Variants in EPN2 observed in about 807,000 individuals in gnomAD.
EPN2 encodes the protein epsin 2, also known as epsin-2.
In EPN2, 34 loss-of-function variants were observed where a neutral mutation model predicts 61.7. The observed-to-expected ratio is 0.55, with a 90% CI of 0.42 to 0.73. The LOEUF (loss-of-function observed/expected upper bound fraction) is 0.73, where lower values mean the gene tolerates loss of function less well. Among genes scored for constraint, EPN2 ranks in the 30% least tolerant of loss-of-function variants. The pLI is 0.00. For missense variants in EPN2, 714 were observed against 839.2 expected (o/e 0.85, Z 1.84); for synonymous variants, 349 against 353.6 (o/e 0.99, Z 0.15).
intron 1 of EPN2, among the ~76,000 whole-genome samples, chr17:19,264,941 C>G (rs2045180699): frequency 6.6e-6 from 1 of 151,874 alleles, no homozygotes; most frequent in Non-Finnish European, 1.5e-5. Flanking sequence ...TCCAAGGCCT[C>G]TGGCTCAGTC....
intron 1 of EPN2, among the ~76,000 whole-genome samples, chr17:19,238,110 C>T (rs1437071016): frequency 1.3e-5 from 2 of 152,208 alleles, no homozygotes; most frequent in African/African-American, 2.4e-5. Flanking sequence ...GGACCAGGCT[C>T]CCCACTCCCC....
At chr17:19,260,747 T>A (rs2045132440) in intron 1 of EPN2, among the ~76,000 whole-genome samples, 1 of 152,062 alleles carries the variant, frequency 6.6e-6, no homozygotes, top group Admixed American at 6.6e-5. Context: ...ATCTCTGTCC[T>A]CCCTCCTCCC....
intron 7 of EPN2, 42 bp downstream of exon 7, chr17:19,313,321 T>A: frequency 6.7e-7 from 1 of 1,488,132 alleles, no homozygotes; most frequent in Non-Finnish European, 9.0e-7. Flanking sequence ...GCCTGCTGGA[T>A]GGGTGAGGGG....
intron 4 of EPN2, among the ~76,000 whole-genome samples, chr17:19,299,069 TTTCCAAACAAATGC>T (rs1422428397): frequency 4.6e-5 from 7 of 152,194 alleles, no homozygotes; most frequent in African/African-American, 1.7e-4. Flanking sequence ...AAACAGACTG[TTTCCAAACAAATGC>T]TTTCCCCCCA....
chr17:19,243,586 G>C (rs571144379), intron 1 of EPN2, among the ~76,000 whole-genome samples: 14 of 151,818 alleles, frequency 9.2e-5, no homozygotes, highest in Non-Finnish European at 1.9e-4. Flanking sequence ...ATAGAGATGG[G>C]GTTTCACCGT....
intron 1 of EPN2, among the ~76,000 whole-genome samples, chr17:19,240,175 G>A (rs920978436): frequency 2.0e-5 from 3 of 152,096 alleles, no homozygotes; most frequent in African/African-American, 7.2e-5. Flanking sequence ...GAAGGACCAC[G>A]ATTGTTGTCA....
intron 7 of EPN2, among the ~76,000 whole-genome samples, chr17:19,321,582 G>C (rs894637858): frequency 6.6e-6 from 1 of 152,180 alleles, no homozygotes; most frequent in Non-Finnish European, 1.5e-5. Context: ...AAGCAGGAGT[G>C]GGGGATAGAA....
At chr17:19,324,507 A>G (rs978172820) in intron 7 of EPN2, among the ~76,000 whole-genome samples, 2 of 152,026 alleles carry the variant, frequency 1.3e-5, no homozygotes, top group Non-Finnish European at 2.9e-5. Context: ...CTAATTTTGT[A>G]TTTTTAGTAG....
At chr17:19,281,576 G>A (rs1297401114) in intron 1 of EPN2, among the ~76,000 whole-genome samples, 1 of 152,112 alleles carries the variant, frequency 6.6e-6, no homozygotes, top group Non-Finnish European at 1.5e-5. Context: ...TGTTGTTTCT[G>A]TGGCAGAAAC....
chr17:19,307,118 C>T (rs755724844), intron 4 of EPN2, among the ~76,000 whole-genome samples: 2 of 151,722 alleles, frequency 1.3e-5, no homozygotes, highest in East Asian at 1.9e-4. Context: ...AGGAACAAAA[C>T]GAACAAAAAA....
chr17:19,295,345 C>CACAG (rs2045505016), intron 4 of EPN2, among the ~76,000 whole-genome samples: 6 of 58,678 alleles, frequency 1.0e-4, no homozygotes, highest in African/African-American at 3.8e-4. Context: ...TAAAAATACA[C>CACAG]ACACACACAC....
chr17:19,250,004 C>T (rs1261844308), intron 1 of EPN2, among the ~76,000 whole-genome samples: 1 of 152,152 alleles, frequency 6.6e-6, no homozygotes, highest in African/African-American at 2.4e-5. Flanking sequence ...TCTTCTGCCT[C>T]CCACTTCCAC....
chr17:19,268,456 C>T (rs1437680441), intron 1 of EPN2, among the ~76,000 whole-genome samples: 1 of 152,146 alleles, frequency 6.6e-6, no homozygotes, highest in Non-Finnish European at 1.5e-5. Context: ...CTCCTGGGCT[C>T]AGGCGATCCT....
intron 7 of EPN2, among the ~76,000 whole-genome samples, chr17:19,325,929 G>A (rs1024489141): frequency 6.6e-6 from 1 of 152,088 alleles, no homozygotes; most frequent in Non-Finnish European, 1.5e-5. Context: ...AGATTGCTGG[G>A]TACAAAAGAG....
chr17:19,260,820 A>T (rs1259087905), intron 1 of EPN2, among the ~76,000 whole-genome samples: 1 of 152,122 alleles, frequency 6.6e-6, no homozygotes, highest in African/African-American at 2.4e-5. Context: ...TACAGCAAAC[A>T]CAAATTGTGT....
intron 1 of EPN2, among the ~76,000 whole-genome samples, chr17:19,276,790 T>TTTTTTTTTTTTTTTTTTC: frequency 6.7e-6 from 1 of 150,172 alleles, no homozygotes; most frequent in African/African-American, 2.5e-5. Flanking sequence ...TTTTTTTTTT[T>TTTTTTTTTTTTTTTTTTC]TGCTGTATTG....
chr17:19,240,762 G>A (rs953812551), intron 1 of EPN2, among the ~76,000 whole-genome samples: 1 of 152,146 alleles, frequency 6.6e-6, no homozygotes, highest in East Asian at 1.9e-4. Context: ...GACATTGTCC[G>A]TGTATCTGGG....
At chr17:19,307,778 C>G in intron 4 of EPN2, 1 of 405,508 alleles carries the variant, frequency 2.5e-6, no homozygotes, top group Non-Finnish European at 3.3e-6. Context: ...AGCCCTCTGC[C>G]CAGAAGCAGC....
intron 6 of EPN2, 169 bp from the exon 7 acceptor site, chr17:19,312,936 C>T: frequency 6.1e-6 from 4 of 658,098 alleles, no homozygotes; most frequent in Non-Finnish European, 1.0e-5. Flanking sequence ...GGAGAGCTGG[C>T]TGGACGGGGA....
Sources: gnomAD v4.1 joint callset for allele counts (sites outside exome capture counted in the v4.1 genomes callset) on GRCh38, gnomAD v4.1.1 for gene constraint, MANE v1.5 for transcripts, NCBI Gene and HGNC (gene_info 2026-07-23, HGNC 2026-07-21) for gene names.